The following SLC30A8 variants were observed in gnomAD, a reference collection of about 807,000 sequenced individuals.
The protein encoded by SLC30A8 is proton-coupled zinc antiporter SLC30A8.
A neutral mutation model predicts 36.9 loss-of-function variants in SLC30A8; 27 were observed. That is an observed-to-expected ratio of 0.73 (90% confidence interval 0.54 to 1.01). The LOEUF (loss-of-function observed/expected upper bound fraction) is 1.01. SLC30A8 is among the 50% of genes least tolerant of loss of function. SLC30A8 has a pLI of 0.00. For synonymous variants in SLC30A8, 164 were observed against 172.4 expected (o/e 0.95, Z 0.38); for missense variants, 439 against 452.0 (o/e 0.97, Z 0.26).
chr8:117,054,376 C>T (rs1440873508), intron 2 of SLC30A8, among the ~76,000 whole-genome samples: 1 of 152,178 alleles, frequency 6.6e-6, no homozygotes, highest in Admixed American at 6.5e-5. Flanking sequence ...GCTGGGATTA[C>T]AGGCATGAGC....
chr8:117,101,451 G>A (rs1819717450), intron 2 of SLC30A8, among the ~76,000 whole-genome samples: 1 of 152,168 alleles, frequency 6.6e-6, no homozygotes, highest in Admixed American at 6.6e-5. Context: ...CATACTGCCT[G>A]TGATCAGCCA....
intron 1 of SLC30A8, among the ~76,000 whole-genome samples, chr8:116,989,668 T>C (rs763338629): frequency 1.2e-4 from 19 of 152,228 alleles, no homozygotes; most frequent in Non-Finnish European, 2.5e-4. Context: ...AATGTGGATA[T>C]ATCAGAAGGA....
chr8:117,151,357 A>G (rs1215364352), intron 2 of SLC30A8, among the ~76,000 whole-genome samples: 1 of 152,206 alleles, frequency 6.6e-6, no homozygotes, highest in Non-Finnish European at 1.5e-5. Flanking sequence ...GTAAGGGCTC[A>G]ATAAATATTG....
intron 2 of SLC30A8, among the ~76,000 whole-genome samples, chr8:117,085,862 T>C (rs116478424): frequency 0.033 from 5,013 of 152,162 alleles, 195 homozygotes; most frequent in African/African-American, 0.097. Context: ...GGAGCTTATG[T>C]GAGATAACTA....
chr8:117,040,876 G>C (rs775519549), intron 2 of SLC30A8, among the ~76,000 whole-genome samples: 3 of 152,006 alleles, frequency 2.0e-5, no homozygotes, highest in African/African-American at 7.3e-5. Context: ...TCCTGAATTC[G>C]AATCTACATT....
intron 2 of SLC30A8, among the ~76,000 whole-genome samples, chr8:117,152,185 C>T (rs1822222603): frequency 6.6e-6 from 1 of 152,158 alleles, no homozygotes; most frequent in Admixed American, 6.5e-5. Flanking sequence ...AAGGTTATTG[C>T]TCTCAAACAA....
intron 1 of SLC30A8, among the ~76,000 whole-genome samples, chr8:116,985,406 T>C (rs10099121): frequency 0.38 from 58,289 of 151,724 alleles, 12,269 homozygotes; most frequent in Admixed American, 0.51. Flanking sequence ...CTAAAGATCA[T>C]TTTCATTATT....
chr8:117,084,414 C>T (rs1171175917), intron 2 of SLC30A8, among the ~76,000 whole-genome samples: 1 of 152,102 alleles, frequency 6.6e-6, no homozygotes, highest in Non-Finnish European at 1.5e-5. Context: ...AAATTTGACC[C>T]TTGTATCAAA....
intron 6 of SLC30A8, chr8:117,163,983 C>T (rs1359793834): frequency 1.3e-5 from 2 of 154,850 alleles, no homozygotes; most frequent in African/African-American, 2.4e-5. Context: ...GTAGTGTGCT[C>T]AGAACTAGAA....
chr8:116,953,327 T>C (rs1429903824), intron 1 of SLC30A8, among the ~76,000 whole-genome samples: 1 of 152,214 alleles, frequency 6.6e-6, no homozygotes, highest in African/African-American at 2.4e-5. Flanking sequence ...TTATATCTCT[T>C]ATGCTTTCTC....
intron 2 of SLC30A8, among the ~76,000 whole-genome samples, chr8:117,113,279 G>C (rs1820308392): frequency 1.3e-5 from 2 of 152,074 alleles, no homozygotes; most frequent in African/African-American, 4.8e-5. Flanking sequence ...ATGAACTAGT[G>C]GTTTAGAAGA....
intron 2 of SLC30A8, among the ~76,000 whole-genome samples, chr8:117,082,218 G>C (rs1050942123): frequency 6.6e-6 from 1 of 152,174 alleles, no homozygotes; most frequent in African/African-American, 2.4e-5. Context: ...CATGTATGCA[G>C]TGATCCATAC....
intron 2 of SLC30A8, among the ~76,000 whole-genome samples, chr8:117,079,051 G>A (rs188211192): frequency 6.2e-4 from 94 of 151,490 alleles, no homozygotes; most frequent in East Asian, 4.9e-3. Flanking sequence ...TTGCTCTGTC[G>A]TCCAGGCTGG....
intron 6 of SLC30A8, 131 bp from the exon 7 acceptor site, chr8:117,170,903 A>T (rs1377351991): frequency 1.4e-6 from 1 of 730,996 alleles, no homozygotes; most frequent in African/African-American, 1.8e-5. Flanking sequence ...ATTTGTAAAC[A>T]TTTGAAGTAA....
At chr8:116,957,988 C>G (rs192153691) in intron 1 of SLC30A8, among the ~76,000 whole-genome samples, 1 of 152,286 alleles carries the variant, frequency 6.6e-6, no homozygotes, top group Non-Finnish European at 1.5e-5. Context: ...ATCTATGCCT[C>G]GTGTCAGGGA....
At chr8:117,111,563 C>T (rs988958037) in intron 2 of SLC30A8, among the ~76,000 whole-genome samples, 1 of 152,158 alleles carries the variant, frequency 6.6e-6, no homozygotes, top group Non-Finnish European at 1.5e-5. Flanking sequence ...TGTTCCCTGA[C>T]TGTGATAGTT....
chr8:117,126,825 A>C (rs1820926726), intron 2 of SLC30A8, among the ~76,000 whole-genome samples: 1 of 152,030 alleles, frequency 6.6e-6, no homozygotes, highest in Non-Finnish European at 1.5e-5. Context: ...GAAATAGCTG[A>C]GCTCACTGTG....
chr8:116,990,993 C>T (rs914153265), intron 1 of SLC30A8, among the ~76,000 whole-genome samples: 19 of 151,974 alleles, frequency 1.3e-4, no homozygotes, highest in African/African-American at 4.1e-4. Flanking sequence ...ATAATATAGA[C>T]CTGAAGAATC....
chr8:117,046,233 A>G (rs1275423723), intron 2 of SLC30A8, among the ~76,000 whole-genome samples: 1 of 152,176 alleles, frequency 6.6e-6, no homozygotes, highest in African/African-American at 2.4e-5. Context: ...CTGATGCTGG[A>G]GCTAGCAGGG....
Sources: gnomAD v4.1 joint callset for allele counts (sites outside exome capture counted in the v4.1 genomes callset) on GRCh38, gnomAD v4.1.1 for gene constraint, MANE v1.5 for transcripts, NCBI Gene and HGNC (gene_info 2026-07-23, HGNC 2026-07-21) for gene names.